NFIA: variants seen among roughly 807,000 people sequenced by gnomAD.
The protein encoded by NFIA is nuclear factor I A, also known as nuclear factor 1 A-type.
Under a neutral mutation model 62.8 loss-of-function variants are expected in NFIA, and 8 were observed. That is an observed-to-expected ratio of 0.13 (90% CI 0.07 to 0.23). NFIA has a LOEUF of 0.23. Ranked by LOEUF, NFIA falls within the 10% of genes least tolerant of loss-of-function variation. The pLI, the probability that NFIA is intolerant of heterozygous loss-of-function variation, is 1.00. For synonymous variants in NFIA, 235 were observed against 238.1 expected (o/e 0.99, Z 0.12); for missense variants, 410 against 642.1 (o/e 0.64, Z 3.91).
intron 10 of NFIA, among the ~76,000 whole-genome samples, chr1:61,429,036 T>C (rs1666989966): frequency 6.6e-6 from 1 of 152,180 alleles, no homozygotes; most frequent in South Asian, 2.1e-4. Context: ...CAAAGGCCAG[T>C]GTCCAGTGGA....
chr1:61,226,746 C>T (rs1426063760), intron 2 of NFIA, among the ~76,000 whole-genome samples: 1 of 152,118 alleles, frequency 6.6e-6, no homozygotes, highest in African/African-American at 2.4e-5. Context: ...TATTCTAAAA[C>T]GAATGCTTGC....
intron 4 of NFIA, among the ~76,000 whole-genome samples, chr1:61,344,542 A>G (rs1662111707): frequency 6.6e-6 from 1 of 152,162 alleles, no homozygotes; most frequent in South Asian, 2.1e-4. Flanking sequence ...CGGTGGCCAT[A>G]CAGATTTGAA....
At chr1:61,183,472 G>A (rs1016164305) in intron 2 of NFIA, among the ~76,000 whole-genome samples, 1 of 152,220 alleles carries the variant, frequency 6.6e-6, no homozygotes, top group Admixed American at 6.5e-5. Flanking sequence ...ACTGTGGCAA[G>A]GCTGTGCATT....
rs190231494 is a variant in NFIA at position 61,119,220 on chromosome 1, A to G, written c.559+30540A>G. 1.5e-3 allele frequency among the ~76,000 whole-genome samples: 221 copies of G among 152,292 alleles called. 1 individual carries two copies. Among genetic ancestry groups the G allele is most frequent in the African/African-American group, 4.6e-3 (190 of 41,562 alleles). ...GGTATGTTTCCCCCTGGTGTTACTT[A>G]CAAAACCTGGCTTACTCAAGGCCCA... On this transcript the variant is annotated intron_variant, in intron 2 of 10. Coordinates refer to ENST00000403491, the MANE Select transcript of NFIA (RefSeq NM_001134673.4).
chr1:61,382,969 C>G lies in NFIA; in HGVS notation c.947-268C>G, dbSNP rs567576906. 2.6e-5 allele frequency among the ~76,000 whole-genome samples: 4 copies of G among 152,134 alleles called. No individual in the cohort carries two copies. The East Asian group carries it at 7.7e-4, about 29-fold the overall frequency. ...TTAGGAAACACTGGAAAAGTTGAACCCTGTATTATTATTGAAGACCAATAA... is the reference window on the plus strand; with the variant it reads ...TTAGGAAACACTGGAAAAGTTGAACGCTGTATTATTATTGAAGACCAATAA... On this transcript the variant is annotated intron_variant, in intron 6 of 10. Transcript: ENST00000403491.
intron 3 of NFIA, among the ~76,000 whole-genome samples, chr1:61,330,019 A>C (rs1661204999): frequency 6.6e-6 from 1 of 152,216 alleles, no homozygotes; most frequent in Non-Finnish European, 1.5e-5. Context: ...TGATTGTCAG[A>C]GGCAGGAGTC....
chr1:61,280,764 A>G (rs573152632), intron 3 of NFIA, among the ~76,000 whole-genome samples: 4 of 152,338 alleles, frequency 2.6e-5, no homozygotes, highest in African/African-American at 9.6e-5. Context: ...ATTAGATGGG[A>G]ATTTTGAAGG....
At chr1:61,183,561 C>T (rs987468494) in intron 2 of NFIA, among the ~76,000 whole-genome samples, 8 of 152,214 alleles carry the variant, frequency 5.3e-5, no homozygotes, top group Admixed American at 4.6e-4. Flanking sequence ...ATGGTAACAC[C>T]ACAGACATGC....
intron 2 of NFIA, among the ~76,000 whole-genome samples, chr1:61,215,755 A>T (rs552448253): frequency 1.8e-4 from 28 of 152,332 alleles, no homozygotes; most frequent in Non-Finnish European, 3.7e-4. Context: ...GGAATTGTTT[A>T]TTAACTTACT....
intron 2 of NFIA, among the ~76,000 whole-genome samples, chr1:61,130,532 C>A (rs1297713339): frequency 6.6e-6 from 1 of 152,182 alleles, no homozygotes; most frequent in Non-Finnish European, 1.5e-5. Flanking sequence ...ATCAGTGATG[C>A]ATAACATTTT....
intron 2 of NFIA, among the ~76,000 whole-genome samples, chr1:61,125,531 C>T (rs1329410242): frequency 1.3e-5 from 2 of 152,126 alleles, no homozygotes; most frequent in Non-Finnish European, 2.9e-5. Context: ...CTATTCAGAG[C>T]ACACAAAGAG....
chr1:61,215,576 T>C (rs1434477840), intron 2 of NFIA, among the ~76,000 whole-genome samples: 1 of 152,192 alleles, frequency 6.6e-6, no homozygotes, highest in Non-Finnish European at 1.5e-5. Context: ...GACCACTGAA[T>C]AGAAAAAACT....
chr1:61,210,022 G>T (rs1653146752), intron 2 of NFIA, among the ~76,000 whole-genome samples: 1 of 152,152 alleles, frequency 6.6e-6, no homozygotes, highest in Admixed American at 6.5e-5. Context: ...AGCTATTTAT[G>T]ATTATGAATA....
chr1:61,278,508 G>A lies in NFIA; in HGVS notation c.625+923G>A, dbSNP rs72664893. 4.7e-3 allele frequency among the ~76,000 whole-genome samples: 715 copies of A among 152,012 alleles called. 3 individuals carry two copies. Among genetic ancestry groups the A allele is most frequent in the Non-Finnish European group, 7.0e-3 (478 of 67,976 alleles). On this transcript the variant is annotated intron_variant, in intron 3 of 10. Transcript: ENST00000403491. ...ATTGTGATTAAAAGCTCAGGCTGTG[G>A]GCTGGGCGTGGTGGCTTTCACCTGT...
chr1:61,219,096 G>A (rs1218134636), intron 2 of NFIA, among the ~76,000 whole-genome samples: 4 of 152,014 alleles, frequency 2.6e-5, no homozygotes, highest in African/African-American at 9.7e-5. Flanking sequence ...GCTGGGTGTA[G>A]TGGCGGGCAC....
At chr1:61,144,212 G>A (rs934098787) in intron 2 of NFIA, among the ~76,000 whole-genome samples, 4 of 152,178 alleles carry the variant, frequency 2.6e-5, no homozygotes, top group Non-Finnish European at 4.4e-5. Flanking sequence ...TGTTAGCAGT[G>A]CAAATGTTGG....
chr1:61,106,420 G>A (rs1388312315), intron 2 of NFIA, among the ~76,000 whole-genome samples: 1 of 151,802 alleles, frequency 6.6e-6, no homozygotes. Flanking sequence ...CTCCCTGTTT[G>A]CATGGGGAGC....
In NFIA at chr1:61,140,968, T is replaced by G. The variant is rs984737196; in HGVS notation, c.559+52288T>G. On this transcript the variant is annotated intron_variant, in intron 2 of 10. Transcript: ENST00000403491. ...GCTGTGGTCTAACCACAGCTGGGTT[T>G]TTTTTTTTTTTTTTTTTTTTGCCCA... 3.0e-4 allele frequency among the ~76,000 whole-genome samples: 43 copies of G among 141,978 alleles called. 1 individual carries two copies. The highest frequency in any genetic ancestry group is 2.4e-3 in the East Asian group (11 of 4,660). 93.1% of individuals were successfully genotyped at this position (141,978 alleles called of 152,430 possible).
intron 2 of NFIA, among the ~76,000 whole-genome samples, chr1:61,156,772 G>C (rs1277460555): frequency 6.6e-6 from 1 of 152,208 alleles, no homozygotes; most frequent in Admixed American, 6.5e-5. Flanking sequence ...GATAACAGCA[G>C]CGGTAAATCA....
Sources: gnomAD v4.1 joint callset for allele counts (sites outside exome capture counted in the v4.1 genomes callset) on GRCh38, gnomAD v4.1.1 for gene constraint, MANE v1.5 for transcripts, NCBI Gene and HGNC (gene_info 2026-07-23, HGNC 2026-07-21) for gene names.